RHOBTB1: variants seen among roughly 807,000 people sequenced by gnomAD.
RHOBTB1 encodes the protein rho-related BTB domain-containing protein 1.
A neutral mutation model predicts 71.6 loss-of-function variants in RHOBTB1; 40 were observed. That is an observed-to-expected ratio of 0.56 (90% CI 0.43 to 0.73). The LOEUF (loss-of-function observed/expected upper bound fraction) is 0.73. RHOBTB1 is among the 30% of genes least tolerant of loss of function. RHOBTB1 has a pLI of 0.00. For synonymous variants in RHOBTB1, 319 were observed against 334.9 expected (o/e 0.95, Z 0.52); for missense variants, 797 against 894.0 (o/e 0.89, Z 1.38).
At chr10:60,876,734 T>C (rs2081070577) in intron 8 of RHOBTB1, among the ~76,000 whole-genome samples, 1 of 152,194 alleles carries the variant, frequency 6.6e-6, no homozygotes, top group Admixed American at 6.5e-5. Context: ...AATCTAATAT[T>C]GATGCCTCAA....
downstream of RHOBTB1, among the ~76,000 whole-genome samples, chr10:60,868,308 A>G (rs1450923131): frequency 1.3e-5 from 2 of 151,974 alleles, no homozygotes; most frequent in Admixed American, 6.6e-5. Context: ...TCTATCATCT[A>G]TCTATCTATC....
chr10:60,920,984 G>A (rs563086017), intron 2 of RHOBTB1, among the ~76,000 whole-genome samples: 30 of 143,972 alleles, frequency 2.1e-4, no homozygotes, highest in African/African-American at 7.5e-4. Flanking sequence ...ACAGTGTCTC[G>A]CCTTGTTGCC....
chr10:60,961,894 C>T (rs1433957752), intron 2 of RHOBTB1, among the ~76,000 whole-genome samples: 2 of 151,158 alleles, frequency 1.3e-5, no homozygotes, highest in East Asian at 1.9e-4. Context: ...CTGCAACCTC[C>T]GCTCCTGGGT....
chr10:60,902,955 C>T (rs577564766), intron 4 of RHOBTB1, among the ~76,000 whole-genome samples: 1 of 152,214 alleles, frequency 6.6e-6, no homozygotes, highest in African/African-American at 2.4e-5. Flanking sequence ...AATCTCTGTC[C>T]TAAATATACT....
At chr10:60,873,591 T>C (rs1193486470) in intron 9 of RHOBTB1, among the ~76,000 whole-genome samples, 4 of 152,192 alleles carry the variant, frequency 2.6e-5, no homozygotes, top group Admixed American at 2.0e-4. Context: ...AAGTGAATGG[T>C]CCCAATATGA....
At chr10:60,967,607 T>C (rs1400822153) in intron 2 of RHOBTB1, among the ~76,000 whole-genome samples, 1 of 151,918 alleles carries the variant, frequency 6.6e-6, no homozygotes, top group African/African-American at 2.4e-5. Flanking sequence ...GAGAATGATG[T>C]TTGGAAGGGA....
chr10:60,914,536 A>G (rs540679908), intron 2 of RHOBTB1, among the ~76,000 whole-genome samples: 1 of 152,284 alleles, frequency 6.6e-6, no homozygotes, highest in Non-Finnish European at 1.5e-5. Flanking sequence ...GAGAATGTTT[A>G]GACTTAGTAA....
chr10:60,892,045 T>G (rs1365414559), intron 5 of RHOBTB1, among the ~76,000 whole-genome samples: 1 of 152,198 alleles, frequency 6.6e-6, no homozygotes, highest in African/African-American at 2.4e-5. Flanking sequence ...TCTGCCATGA[T>G]TGCAAATTTC....
At position 60,981,125 on chromosome 10, in the gene RHOBTB1, A is replaced by AG. The variant is rs374129849; in HGVS notation, c.-62+4719dup. Among the ~76,000 whole-genome samples the AG allele has an allele frequency of 2.2e-3, 342 of 152,210 alleles. 2 individuals are homozygous for AG. Among genetic ancestry groups the AG allele is most frequent in the African/African-American group, 7.1e-3 (296 of 41,540 alleles). On this transcript the variant is annotated intron_variant, in intron 2 of 11. Transcript: ENST00000357917. ...TTCAGAAATGAATTTTTTTGAAATGAGTCTAAGATTTTTGTTTATTGAGGT... is the reference window on the plus strand; with the variant it reads ...TTCAGAAATGAATTTTTTTGAAATGAGGTCTAAGATTTTTGTTTATTGAGGT...
chr10:60,994,690 A>C (rs765779120), intron 1 of RHOBTB1, among the ~76,000 whole-genome samples: 7 of 152,144 alleles, frequency 4.6e-5, no homozygotes, highest in Non-Finnish European at 7.4e-5. Flanking sequence ...TGAGTCTACT[A>C]TCTTTAAGGC....
intron 2 of RHOBTB1, among the ~76,000 whole-genome samples, chr10:60,949,350 G>A (rs991828107): frequency 2.0e-4 from 30 of 152,090 alleles, no homozygotes; most frequent in African/African-American, 6.8e-4. Context: ...CAAATACCAC[G>A]GGCTGTCTTT....
chr10:60,863,452 A>G, the RHOBTB1 span, among the ~76,000 whole-genome samples: 5 of 150,148 alleles, frequency 3.3e-5, no homozygotes, highest in African/African-American at 1.2e-4. Flanking sequence ...TAGTGTGTCC[A>G]TCAAATAGTC....
rs756572569 is a variant in RHOBTB1, at chr10:60,870,435, G to A, written c.*1047C>T. ...TTCTGCAGCAACATGAATTTTCCCTGGGAAGAGTTAAAAATATGGGTCTTA... is the reference window on the plus strand; with the variant it reads ...TTCTGCAGCAACATGAATTTTCCCTAGGAAGAGTTAAAAATATGGGTCTTA... On this transcript the variant is annotated 3_prime_UTR_variant, in exon 11 of 11. Coordinates refer to ENST00000337910, the MANE Select transcript of RHOBTB1 (RefSeq NM_014836.5). 2.0e-5 allele frequency: 3 copies of A among 152,240 alleles called. No homozygotes were observed. Among genetic ancestry groups the A allele is most frequent in the Non-Finnish European group, 4.4e-5 (3 of 68,046 alleles). 9.4% of individuals were successfully genotyped at this position (152,240 alleles called of 1,614,324 possible).
At chr10:60,947,245 G>A (rs2134345865), upstream of RHOBTB1, among the ~76,000 whole-genome samples, 1 of 152,260 alleles carries the variant, frequency 6.6e-6, no homozygotes, top group South Asian at 2.1e-4. Context: ...GATAGAATCA[G>A]TACCATTCCT....
At chr10:60,889,243 C>G (rs1441209964) in intron 5 of RHOBTB1, 58 bp from the exon 6 acceptor site, 11 of 1,509,538 alleles carry the variant, frequency 7.3e-6, no homozygotes, top group Middle Eastern at 2.2e-4. Flanking sequence ...AAAACAGTAA[C>G]AAGGGCCTAT....
intron 8 of RHOBTB1, 69 bp from the exon 9 acceptor site, chr10:60,875,111 G>T: frequency 1.7e-6 from 2 of 1,150,728 alleles, no homozygotes; most frequent in Non-Finnish European, 2.6e-6. Flanking sequence ...TGCCTGGAGG[G>T]TTGGTCTGGG....
At chr10:60,924,940 A>G (rs531083275) in intron 2 of RHOBTB1, among the ~76,000 whole-genome samples, 4 of 152,240 alleles carry the variant, frequency 2.6e-5, no homozygotes, top group South Asian at 2.1e-4. Context: ...GTAATCCCCA[A>G]TGTTAGAGTT....
intron 1 of RHOBTB1, among the ~76,000 whole-genome samples, chr10:60,999,367 CA>C (rs1283460249): frequency 6.6e-6 from 1 of 152,108 alleles, no homozygotes; most frequent in Non-Finnish European, 1.5e-5. Context: ...CCTAAAACAA[CA>C]ACAAAAAAGA....
intron 7 of RHOBTB1, among the ~76,000 whole-genome samples, chr10:60,880,039 A>G (rs12265082): frequency 0.22 from 33,238 of 152,008 alleles, 3,766 homozygotes; most frequent in African/African-American, 0.27. Context: ...CAGATAAGTT[A>G]AAGTATACAG....
Sources: allele counts gnomAD v4.1 joint callset (sites outside exome capture counted in the v4.1 genomes callset), GRCh38; gene constraint gnomAD v4.1.1; transcripts MANE v1.5; gene names NCBI Gene and HGNC (gene_info 2026-07-23, HGNC 2026-07-21).